EYS: variants seen among roughly 807,000 people sequenced by gnomAD.
EYS encodes the protein protein eyes shut homolog.
Under a neutral mutation model 282.1 loss-of-function variants are expected in EYS, and 250 were observed. The observed-to-expected ratio is 0.89, with a 90% CI of 0.80 to 0.98. The LOEUF (loss-of-function observed/expected upper bound fraction) is 0.98, where lower values mean the gene tolerates loss of function less well. Among genes scored for constraint, EYS ranks in the 50% least tolerant of loss-of-function variants. The pLI is 0.00. For synonymous variants in EYS, 1,355 were observed against 1,282.9 expected, an observed-to-expected ratio of 1.06 and a Z score of -1.20; for missense variants, 4,016 against 3,709.0, an observed-to-expected ratio of 1.08 and a Z score of -2.15.
At chr6:64,047,137 T>A (rs1371322309) in intron 33 of EYS, among the ~76,000 whole-genome samples, 1 of 152,052 alleles carries the variant, frequency 6.6e-6, no homozygotes, top group African/African-American at 2.4e-5. Flanking sequence ...CAGGTAAAGA[T>A]GTTTTTCAAT....
intron 12 of EYS, among the ~76,000 whole-genome samples, chr6:65,247,330 C>T (rs1233060854): frequency 6.6e-6 from 1 of 152,072 alleles, no homozygotes; most frequent in East Asian, 1.9e-4. Context: ...GATCACTTCT[C>T]AATGTCAATT....
In EYS at chr6:64,997,670, C is replaced by G; in HGVS notation, c.2171G>C (p.Gly724Ala). Residue 724 changes from glycine to alanine, a missense_variant, in exon 14 of 43, where the codon GGC becomes GCC. Gly to Ala is a moderately conservative substitution (Grantham distance 60, BLOSUM62 0). Transcript: ENST00000503581. ...VDGFSCLCNP[G>A]YVGIRCEQDI... ...CTGTTCACATCTTATCCCAACATAG[C>G]CTGGATTGCATAAGCAGGAAAAGCC... The G allele has an allele frequency of 6.4e-7, 1 of 1,551,040 alleles. No individual in the cohort carries two copies. Among genetic ancestry groups the G allele is most frequent in the Non-Finnish European group, 8.7e-7 (1 of 1,146,538 alleles).
intron 8 of EYS, among the ~76,000 whole-genome samples, chr6:65,364,492 GT>G (rs1244929510): frequency 6.6e-6 from 1 of 150,666 alleles, no homozygotes; most frequent in Non-Finnish European, 1.5e-5. Flanking sequence ...CTTCAGATAT[GT>G]TTTAATTCAT....
chr6:65,501,231 G>A (rs906418113), intron 2 of EYS, among the ~76,000 whole-genome samples: 3 of 151,784 alleles, frequency 2.0e-5, no homozygotes, highest in South Asian at 2.1e-4. Flanking sequence ...ATACATGTGC[G>A]TTTGTCTGTG....
At chr6:64,368,360 C>T (rs969828023) in intron 29 of EYS, among the ~76,000 whole-genome samples, 3 of 152,076 alleles carry the variant, frequency 2.0e-5, no homozygotes, top group African/African-American at 7.2e-5. Flanking sequence ...ACTTTGATTC[C>T]ATGTCTTTGC....
chr6:64,228,564 A>T (rs889233011), intron 31 of EYS, among the ~76,000 whole-genome samples: 1 of 152,190 alleles, frequency 6.6e-6, no homozygotes, highest in Non-Finnish European at 1.5e-5. Context: ...TACTCTATAG[A>T]TTACTTAATG....
At chr6:65,534,252 G>C (rs1385341966) in intron 2 of EYS, among the ~76,000 whole-genome samples, 1 of 152,042 alleles carries the variant, frequency 6.6e-6, no homozygotes, top group Non-Finnish European at 1.5e-5. Flanking sequence ...ATTTTTAAAA[G>C]GTTCTGCACA....
At chr6:64,111,189 C>G (rs1363349733) in intron 31 of EYS, among the ~76,000 whole-genome samples, 2 of 151,960 alleles carry the variant, frequency 1.3e-5, no homozygotes, top group East Asian at 3.9e-4. Context: ...AAAATTCACT[C>G]TACTAGTTTA....
At chr6:65,147,482 A>G (rs999373419) in intron 12 of EYS, among the ~76,000 whole-genome samples, 1 of 152,068 alleles carries the variant, frequency 6.6e-6, no homozygotes, top group Non-Finnish European at 1.5e-5. Flanking sequence ...TATTTGCAAG[A>G]TACAAGTTCA....
At chr6:63,912,166 A>G (rs1764269922) in intron 35 of EYS, among the ~76,000 whole-genome samples, 1 of 152,102 alleles carries the variant, frequency 6.6e-6, no homozygotes, top group African/African-American at 2.4e-5. Flanking sequence ...TGCATTTTCT[A>G]TTTCTTACCA....
chr6:64,431,752 C>T lies in EYS; in HGVS notation c.5927+4422G>A, dbSNP rs140203184. Among the ~76,000 whole-genome samples the T allele has an allele frequency of 4.3e-3, 656 of 152,202 alleles. 1 individual carries two copies. The highest frequency in any genetic ancestry group is 5.0e-3 in the Non-Finnish European group (340 of 67,998). Reference sequence around the variant, plus strand: ...GCATTTTCATACCCAATTCTCATTCCTTCCTACCTAAATAATCTCAAATTA... The same window carrying T: ...GCATTTTCATACCCAATTCTCATTCTTTCCTACCTAAATAATCTCAAATTA... On this transcript the variant is annotated intron_variant, in intron 28 of 42. Transcript: ENST00000503581.
At chr6:64,844,358 G>GTT (rs200024782) in intron 19 of EYS, among the ~76,000 whole-genome samples, 5,932 of 140,704 alleles carry the variant, frequency 0.042, 151 homozygotes, top group East Asian at 0.1. Flanking sequence ...ATGCTGTTGG[G>GTT]TTTTTTTTTT....
rs537432140 is a variant in EYS, at chr6:64,116,064, C to A, written c.6425-34062G>T. On this transcript the variant is annotated intron_variant, in intron 31 of 42. Transcript: ENST00000503581. ...AATGAGAAGTTCAATAAAGAGATAT[C>A]ACAAAAAAGAACCAAAGAGAAATTC... is the stretch of plus-strand genomic sequence containing the variant. Among the ~76,000 whole-genome samples the A allele has an allele frequency of 7.9e-5, 12 of 151,872 alleles. No individual in the cohort carries two copies. The East Asian group carries it at 2.1e-3, about 27-fold the overall frequency.
Position 65,519,700 on chromosome 6 carries a change from ATATATATATTT to A in EYS, c.-332-23718_-332-23708del, listed in dbSNP as rs1253934128. On this transcript the variant is annotated intron_variant, in intron 2 of 42. Coordinates refer to ENST00000503581, the MANE Select transcript of EYS (RefSeq NM_001142800.2). The stretch of plus-strand genomic sequence containing the variant: ...AACTATAATAACTATATATATATAT[ATATATATATTT>A]TTTTTTTTTTTTTTTTTTTTTTGAG... 1.6e-4 allele frequency among the ~76,000 whole-genome samples: 6 copies of A among 36,448 alleles called. 1 individual carries two copies. The highest frequency in any genetic ancestry group is 1.1e-3 in the African/African-American group (6 of 5,652). The allele number at this position is 36,448 out of a possible 152,430, so 23.9% of individuals were successfully genotyped here. A position where few individuals can be genotyped will look rare whatever the true frequency, so the allele number is the denominator to read the frequency against.
At chr6:64,829,277 G>A (rs1038110797) in intron 19 of EYS, among the ~76,000 whole-genome samples, 1 of 151,966 alleles carries the variant, frequency 6.6e-6, no homozygotes, top group African/African-American at 2.4e-5. Flanking sequence ...CACCACAATG[G>A]TGGTACAACA....
chr6:65,605,883 A>C, intron 2 of EYS, among the ~76,000 whole-genome samples: 1 of 151,876 alleles, frequency 6.6e-6, no homozygotes, highest in Middle Eastern at 3.8e-3. Context: ...GAATAAAATA[A>C]AATTTGCTAT....
At chr6:63,961,941 AT>A (rs1766084624) in intron 35 of EYS, among the ~76,000 whole-genome samples, 1 of 152,166 alleles carries the variant, frequency 6.6e-6, no homozygotes, top group Non-Finnish European at 1.5e-5. Context: ...AGAAATGTTA[AT>A]TTGATAATGC....
At chr6:64,787,450 CTTTG>C (rs1774059377) in intron 22 of EYS, among the ~76,000 whole-genome samples, 2 of 151,590 alleles carry the variant, frequency 1.3e-5, no homozygotes, top group African/African-American at 4.8e-5. Context: ...TTTTTAAAAA[CTTTG>C]TTTTTTTTTC....
chr6:65,441,793 G>A (rs1163317520), intron 5 of EYS, among the ~76,000 whole-genome samples: 1 of 152,022 alleles, frequency 6.6e-6, no homozygotes, highest in Non-Finnish European at 1.5e-5. Context: ...TTCAGAGGAG[G>A]ACACTGAGAA....
Sources: allele counts gnomAD v4.1 joint callset (sites outside exome capture counted in the v4.1 genomes callset), GRCh38; gene constraint gnomAD v4.1.1; transcripts MANE v1.5; gene names NCBI Gene and HGNC (gene_info 2026-07-23, HGNC 2026-07-21).